WRNIP1: variants seen among roughly 807,000 people sequenced by gnomAD.
WRNIP1 encodes WRN helicase interacting protein 1, also known as ATPase WRNIP1.
WRNIP1 carries 41 observed loss-of-function variants against 56.1 expected under a neutral mutation model. That is an observed-to-expected ratio of 0.73 (90% CI 0.57 to 0.95). The LOEUF is 0.95. Ranked by LOEUF, WRNIP1 falls within the 40% of genes least tolerant of loss-of-function variation. The pLI, the probability that WRNIP1 is intolerant of heterozygous loss-of-function variation, is 0.00. For synonymous variants in WRNIP1, 547 were observed against 398.1 expected (o/e 1.37, Z -4.45); for missense variants, 1,170 against 939.4 (o/e 1.25, Z -3.21).
chr6:2,773,573 A>G, intron 3 of WRNIP1: 1 of 985,414 alleles, frequency 1.0e-6, no homozygotes, highest in Non-Finnish European at 1.2e-6. Flanking sequence ...CATGATACAA[A>G]CAGTGAAGAT....
chr6:2,773,898 G>A, intron 3 of WRNIP1: 1 of 985,320 alleles, frequency 1.0e-6, no homozygotes, highest in East Asian at 1.1e-4. Context: ...AAGACAGAAA[G>A]TGGCGTCTGT....
chr6:2,783,368 T>TG, intron 4 of WRNIP1, 38 bp from the exon 5 acceptor site: 1 of 1,519,154 alleles, frequency 6.6e-7, no homozygotes, highest in South Asian at 1.2e-5. Flanking sequence ...GCGCCCCTCC[T>TG]GTGAGCTCTG....
At chr6:2,784,893 T>C (rs2113488672) in intron 6 of WRNIP1, 114 bp from the exon 7 acceptor site, 4 of 1,354,166 alleles carry the variant, frequency 3.0e-6, no homozygotes, top group Non-Finnish European at 4.0e-6. Context: ...AGGGGGATAA[T>C]AAAAGCATGT....
At position 2,766,426 on chromosome 6, in the gene WRNIP1, G is replaced by A; in HGVS notation, c.804G>A (p.Gly268=). The change falls in exon 1 of 7, where the codon GGG becomes GGA. Residue 268 remains glycine (G), a synonymous_variant. Transcript: ENST00000380773. ...AAATCCCCTCGCTTATCCTGTGGGG[G>A]CCGCCGGGCTGCGGCAAGGTGAGTG... ...TNEIPSLILW[G]PPGCGKTTLA... The A allele has an allele frequency of 6.3e-7, 1 of 1,582,760 alleles. No individual in the cohort carries two copies.
chr6:2,780,175 TCTG>T (rs1190709727), intron 4 of WRNIP1, among the ~76,000 whole-genome samples: 2 of 152,238 alleles, frequency 1.3e-5, no homozygotes, highest in African/African-American at 4.8e-5. Flanking sequence ...TTAGCAAACT[TCTG>T]CTGCTTGAGC....
intron 3 of WRNIP1, among the ~76,000 whole-genome samples, chr6:2,774,493 G>A (rs112718726): frequency 0.015 from 2,268 of 152,246 alleles, 24 homozygotes; most frequent in African/African-American, 0.025. Context: ...GTGTCCTTAC[G>A]TCTTCTCTTT....
Position 2,770,483 on chromosome 6 carries a change from G to A in WRNIP1, c.1256+122G>A, listed in dbSNP as rs61470166. 4.0e-3 allele frequency: 5,467 copies of A among 1,357,290 alleles called. 145 individuals carry two copies. In the Admixed American group the frequency reaches 0.054, roughly 14 times the overall value. 84.1% of individuals were successfully genotyped at this position (1,357,290 alleles called of 1,614,324 possible). On this transcript the variant is annotated intron_variant, in intron 3 of 6. Coordinates refer to ENST00000380773, the MANE Select transcript of WRNIP1 (RefSeq NM_020135.3). ...GGGGACAGAGAAGAAATGTTGATCCGCCCGTAATGAAAATAAAAGAGGAGG... is the reference window on the plus strand; with the variant it reads ...GGGGACAGAGAAGAAATGTTGATCCACCCGTAATGAAAATAAAAGAGGAGG...
At chr6:2,766,564 G>C (rs1166378949) in intron 1 of WRNIP1, 120 bp downstream of exon 1, 2 of 1,396,130 alleles carry the variant, frequency 1.4e-6, no homozygotes, top group Non-Finnish European at 1.9e-6. Flanking sequence ...GGATAAGGGG[G>C]TGCAGACTTG....
At chr6:2,780,763 G>A (rs1170671198) in intron 4 of WRNIP1, among the ~76,000 whole-genome samples, 3 of 152,152 alleles carry the variant, frequency 2.0e-5, no homozygotes, top group African/African-American at 7.2e-5. Context: ...TTTCTGAAGT[G>A]CAGCAGCAGC....
Position 2,785,217 on chromosome 6 carries a change from G to T in WRNIP1, c.1933G>T (p.Val645Leu). 2 of 1,614,206 alleles carry T rather than the reference G, an allele frequency of 1.2e-6. No individual in the cohort carries two copies. Among genetic ancestry groups the T allele is most frequent in the Non-Finnish European group, 1.7e-6 (2 of 1,180,038 alleles). ...YKYNPMYSEP[V>L]DQEYLPEELR... The stretch of plus-strand genomic sequence containing the variant: ...GTACAACCCCATGTACAGCGAGCCT[G>T]TGGATCAGGAGTACCTGCCTGAAGA... Residue 645 changes from valine (V) to leucine (L), a missense_variant, in exon 7 of 7, where the codon GTG becomes TTG. Physicochemically the swap from Val to Leu is conservative, Grantham distance 32. Transcript: ENST00000380773.
chr6:2,779,506 C>G lies in WRNIP1; in HGVS notation c.1486+14C>G. 2 of 1,607,812 alleles carry G rather than the reference C, an allele frequency of 1.2e-6. No homozygotes were observed. The highest frequency in any genetic ancestry group is 2.2e-5 in the South Asian group (2 of 90,402). On this transcript the variant is annotated intron_variant, in intron 4 of 6. Coordinates refer to ENST00000380773, the MANE Select transcript of WRNIP1 (RefSeq NM_020135.3). ...ATGACCGGGCAGGTAAGTAATTCAC[C>G]TGTGGAAAGAGTGAAACCATACGGA...
chr6:2,771,523 C>T (rs938911929), intron 3 of WRNIP1, among the ~76,000 whole-genome samples: 1 of 152,162 alleles, frequency 6.6e-6, no homozygotes, highest in African/African-American at 2.4e-5. Context: ...CCTAAGGGGG[C>T]TGCCAGCTCC....
intron 3 of WRNIP1, among the ~76,000 whole-genome samples, chr6:2,774,910 G>A (rs958355879): frequency 3.3e-5 from 5 of 152,136 alleles, no homozygotes; most frequent in East Asian, 1.9e-4. Flanking sequence ...GATTCTCCTC[G>A]CTGTTGATAC....
At chr6:2,769,969 C>T (rs529080775) in intron 2 of WRNIP1, 151 bp from the exon 3 acceptor site, 10 of 1,114,850 alleles carry the variant, frequency 9.0e-6, no homozygotes, top group East Asian at 4.8e-5. Flanking sequence ...CCAAATATTG[C>T]ATCTATATTC....
At chr6:2,774,997 C>G (rs1431914836) in intron 3 of WRNIP1, among the ~76,000 whole-genome samples, 1 of 152,192 alleles carries the variant, frequency 6.6e-6, no homozygotes, top group Non-Finnish European at 1.5e-5. Flanking sequence ...CTCATTCAGT[C>G]CTCAATACAG....
chr6:2,766,267 C>A lies in WRNIP1; in HGVS notation c.645C>A (p.Ala215=), dbSNP rs767491386. ...GGRPHPRALA[A]EEIRQMLQGK... Reference sequence around the variant, plus strand: ...GCCCGCACCCCCGGGCGCTGGCTGCCGAGGAGATCCGACAGATGCTACAGG... The same window carrying A: ...GCCCGCACCCCCGGGCGCTGGCTGCAGAGGAGATCCGACAGATGCTACAGG... Residue 215 remains alanine, a synonymous_variant, in exon 1 of 7, where the codon GCC becomes GCA. Transcript: ENST00000380773. 7 of 1,562,778 alleles carry A rather than the reference C, an allele frequency of 4.5e-6. No individual in the cohort carries two copies. Among genetic ancestry groups the A allele is most frequent in the Non-Finnish European group, 5.2e-6 (6 of 1,156,918 alleles).
At chr6:2,781,967 C>T (rs374099664) in intron 4 of WRNIP1, among the ~76,000 whole-genome samples, 1 of 152,216 alleles carries the variant, frequency 6.6e-6, no homozygotes, top group African/African-American at 2.4e-5. Flanking sequence ...AGCCTGTGCT[C>T]TTGTCCATTA....
At chr6:2,769,618 A>G (rs977421621) in intron 2 of WRNIP1, among the ~76,000 whole-genome samples, 5 of 152,160 alleles carry the variant, frequency 3.3e-5, no homozygotes, top group African/African-American at 9.7e-5. Context: ...AGGCGTTAGC[A>G]TTCTAGGTTT....
rs560842630 is a variant in WRNIP1, at chr6:2,783,231, C to T, written c.1487-175C>T. 2.6e-5 allele frequency among the ~76,000 whole-genome samples: 4 copies of T among 152,320 alleles called. No homozygotes were observed. In the East Asian group the frequency reaches 5.8e-4, roughly 22 times the overall value. On this transcript the variant is annotated intron_variant, in intron 4 of 6. Transcript: ENST00000380773. ...CCCTGAATAGGACTGGGATTAAGCC[C>T]CAGCAGCTGGTGCACCCCACTCAGA...
Sources: allele counts gnomAD v4.1 joint callset (sites outside exome capture counted in the v4.1 genomes callset), GRCh38; gene constraint gnomAD v4.1.1; transcripts MANE v1.5; gene names NCBI Gene and HGNC (gene_info 2026-07-23, HGNC 2026-07-21).